Variants in PDGFD observed in about 807,000 individuals in gnomAD.
PDGFD encodes platelet derived growth factor D.
In PDGFD, 30 loss-of-function variants were observed where a neutral mutation model predicts 44.7. That is an observed-to-expected ratio of 0.67 (90% CI 0.50 to 0.91). The LOEUF is 0.91. Among genes scored for constraint, PDGFD ranks in the 40% least tolerant of loss-of-function variants. The probability of loss-of-function intolerance (pLI) is 0.00; values close to 1 mark genes in which losing one functional copy is unlikely to be tolerated. For missense variants in PDGFD, 445 were observed against 457.8 expected (o/e 0.97, Z 0.25); for synonymous variants, 173 against 168.4 (o/e 1.03, Z -0.21).
At chr11:103,938,965 G>A (rs1448791356) in intron 5 of PDGFD, among the ~76,000 whole-genome samples, 2 of 152,172 alleles carry the variant, frequency 1.3e-5, no homozygotes, top group Non-Finnish European at 2.9e-5. Context: ...TAGCCTTGTA[G>A]TGTAGTTTGA....
chr11:103,969,446 G>C (rs997136595), intron 3 of PDGFD, among the ~76,000 whole-genome samples: 1 of 129,246 alleles, frequency 7.7e-6, no homozygotes, highest in Non-Finnish European at 1.6e-5. Context: ...AAAGAGAGAA[G>C]TTACTATTTA....
At chr11:104,016,141 A>C (rs1215826578) in intron 1 of PDGFD, among the ~76,000 whole-genome samples, 1 of 152,206 alleles carries the variant, frequency 6.6e-6, no homozygotes, top group Non-Finnish European at 1.5e-5. Context: ...TGACCAAACT[A>C]AAATTGACTG....
chr11:104,010,101 T>A (rs1565309786), intron 1 of PDGFD, among the ~76,000 whole-genome samples: 1 of 152,062 alleles, frequency 6.6e-6, no homozygotes. Flanking sequence ...CAGCAGAGAT[T>A]TTTCTAAGAT....
chr11:104,163,812 C>T lies in PDGFD; in HGVS notation c.116G>A (p.Arg39Lys), dbSNP rs1265947269. 1 of 1,544,390 alleles carries T rather than the reference C, an allele frequency of 6.5e-7. No individual in the cohort carries two copies. The highest frequency in any genetic ancestry group is 1.2e-5 in the South Asian group (1 of 81,178). Reference protein sequence around the residue: ...SIKALRNANLRRDESNHLTDL... With the variant: ...SIKALRNANLKRDESNHLTDL... Reference sequence around the variant, plus strand: ...TAAAATGAGTCTCTTACCATCTCGCCTGAGGTTGGCGTTGCGCAAAGCTTT... The same window carrying T: ...TAAAATGAGTCTCTTACCATCTCGCTTGAGGTTGGCGTTGCGCAAAGCTTT... Residue 39 changes from arginine (R) to lysine (K), a missense_variant, in exon 1 of 7, where the codon AGG becomes AAG. Transcript: ENST00000393158.
At chr11:103,941,978 C>T (rs1454851249) in intron 5 of PDGFD, among the ~76,000 whole-genome samples, 2 of 152,058 alleles carry the variant, frequency 1.3e-5, no homozygotes, top group Admixed American at 1.3e-4. Context: ...AATCTGTGCC[C>T]TGGAGAGATT....
At chr11:103,945,789 G>A (rs1307607743) in intron 4 of PDGFD, 1 of 152,144 alleles carries the variant, frequency 6.6e-6, no homozygotes, top group East Asian at 1.9e-4. Context: ...CCCTTAGAAG[G>A]GAGGGGGAAA....
chr11:104,043,575 A>G (rs1009890820), intron 1 of PDGFD, among the ~76,000 whole-genome samples: 4 of 152,202 alleles, frequency 2.6e-5, no homozygotes, highest in African/African-American at 9.7e-5. Context: ...TTGTGTGGCT[A>G]TAAAGGAATA....
At chr11:103,928,757 AAATTGAATG>A (rs1388588780) in intron 5 of PDGFD, among the ~76,000 whole-genome samples, 5 of 152,238 alleles carry the variant, frequency 3.3e-5, no homozygotes, top group Admixed American at 6.5e-5. Flanking sequence ...ATCCAGATTT[AAATTGAATG>A]AACTCTGTCT....
chr11:104,088,730 A>G lies in PDGFD; in HGVS notation c.124+75074T>C, dbSNP rs183611034. Among the ~76,000 whole-genome samples, 19 of 152,280 alleles carry G rather than the reference A, an allele frequency of 1.2e-4. No homozygotes were observed. In the East Asian group the frequency reaches 3.7e-3, roughly 29 times the overall value. On this transcript the variant is annotated intron_variant, in intron 1 of 6. Coordinates refer to ENST00000393158, the MANE Select transcript of PDGFD (RefSeq NM_025208.5). ...AAGAAGGCAAAGATCTTCTGAACCA[A>G]CAAAGGTCAACTAGATCAGACTCGT...
intron 1 of PDGFD, among the ~76,000 whole-genome samples, chr11:104,051,484 G>T (rs1170053069): frequency 6.7e-6 from 1 of 149,822 alleles, no homozygotes; most frequent in Non-Finnish European, 1.5e-5. Flanking sequence ...ATTCCACTAC[G>T]GGGGTCATAC....
chr11:104,077,090 T>C (rs587116), intron 1 of PDGFD, among the ~76,000 whole-genome samples: 71,998 of 151,956 alleles, frequency 0.47, 18,953 homozygotes, highest in African/African-American at 0.72. Flanking sequence ...AGTTATACAT[T>C]GATTTCTGAG....
At chr11:104,032,684 G>A (rs1211570952) in intron 1 of PDGFD, among the ~76,000 whole-genome samples, 2 of 150,546 alleles carry the variant, frequency 1.3e-5, no homozygotes, top group Admixed American at 6.6e-5. Flanking sequence ...TTAGAAAGAG[G>A]CAAATTACAA....
At chr11:104,038,956 A>C (rs2134397294) in intron 1 of PDGFD, 1 of 167,202 alleles carries the variant, frequency 6.0e-6, no homozygotes, top group East Asian at 1.9e-4. Context: ...CTGTTAAAAT[A>C]ACATTTGAAA....
chr11:104,154,836 T>C (rs776681245), intron 1 of PDGFD, among the ~76,000 whole-genome samples: 3 of 152,196 alleles, frequency 2.0e-5, no homozygotes, highest in Non-Finnish European at 4.4e-5. Context: ...TATGCTATAA[T>C]GGTAGAGTTG....
chr11:104,138,841 AAC>A (rs1217099684), intron 1 of PDGFD, among the ~76,000 whole-genome samples: 1 of 152,058 alleles, frequency 6.6e-6, no homozygotes, highest in African/African-American at 2.4e-5. Flanking sequence ...GGTTCACTGA[AAC>A]CTCCACCTCC....
intron 3 of PDGFD, among the ~76,000 whole-genome samples, chr11:103,982,652 T>C (rs1250303138): frequency 1.3e-5 from 2 of 151,748 alleles, no homozygotes; most frequent in Non-Finnish European, 2.9e-5. Flanking sequence ...AACATGATCC[T>C]ATATCTAGAA....
intron 1 of PDGFD, among the ~76,000 whole-genome samples, chr11:104,002,302 C>T (rs1859631941): frequency 6.6e-6 from 1 of 152,140 alleles, no homozygotes; most frequent in Non-Finnish European, 1.5e-5. Context: ...GTAATCCTCA[C>T]ATGTCAGGGG....
rs78016309 is a variant in PDGFD at position 104,065,778 on chromosome 11, A to C, written c.125-65523T>G. On this transcript the variant is annotated intron_variant, in intron 1 of 6. Transcript: ENST00000393158. Reference sequence around the variant, plus strand: ...CCCTTGAATCGTTTGAAAACACAGTATTTACTTCTCTGAATATTATCCCTT... The same window carrying C: ...CCCTTGAATCGTTTGAAAACACAGTCTTTACTTCTCTGAATATTATCCCTT... 6.7e-3 allele frequency among the ~76,000 whole-genome samples: 1,018 copies of C among 152,220 alleles called. 9 individuals carry two copies. Among genetic ancestry groups the C allele is most frequent in the African/African-American group, 0.023 (949 of 41,548 alleles).
At chr11:103,940,350 T>C (rs951112316) in intron 5 of PDGFD, among the ~76,000 whole-genome samples, 1 of 152,148 alleles carries the variant, frequency 6.6e-6, no homozygotes. Context: ...TTTGCAATCA[T>C]GAAAAATACC....
Sources: allele counts gnomAD v4.1 joint callset (sites outside exome capture counted in the v4.1 genomes callset), GRCh38; gene constraint gnomAD v4.1.1; transcripts MANE v1.5; gene names NCBI Gene and HGNC (gene_info 2026-07-23, HGNC 2026-07-21).